Variants in EPC2 observed in about 807,000 individuals in gnomAD.
The protein encoded by EPC2 is enhancer of polycomb homolog 2.
EPC2 carries 14 observed loss-of-function variants against 92.1 expected under a neutral mutation model. The observed-to-expected ratio is 0.15, with a 90% CI of 0.10 to 0.24. The LOEUF (loss-of-function observed/expected upper bound fraction) is 0.24. Among genes scored for constraint, EPC2 ranks in the 10% least tolerant of loss-of-function variants. EPC2 has a pLI of 1.00. For missense variants in EPC2, 755 were observed against 971.5 expected, an observed-to-expected ratio of 0.78 and a Z score of 2.96; for synonymous variants, 340 against 334.7, an observed-to-expected ratio of 1.02 and a Z score of -0.17.
intron 11 of EPC2, among the ~76,000 whole-genome samples, chr2:148,782,302 C>T (rs987570829): frequency 5.3e-5 from 8 of 151,990 alleles, no homozygotes; most frequent in East Asian, 1.9e-4. Flanking sequence ...TTTGGGCGGC[C>T]GAGGCGGGCA....
At chr2:148,774,655 G>A (rs886556769) in intron 10 of EPC2, among the ~76,000 whole-genome samples, 72 of 133,620 alleles carry the variant, frequency 5.4e-4, no homozygotes, top group African/African-American at 1.8e-3. Flanking sequence ...TGTACTATTT[G>A]TTATCTTTTA....
chr2:148,741,382 G>A (rs910300176), intron 2 of EPC2, among the ~76,000 whole-genome samples: 2 of 152,008 alleles, frequency 1.3e-5, no homozygotes, highest in African/African-American at 4.8e-5. Context: ...TTATCTAGTG[G>A]TAAAAATTTC....
intron 2 of EPC2, among the ~76,000 whole-genome samples, chr2:148,736,496 G>GT (rs1345327987): frequency 6.6e-6 from 1 of 152,096 alleles, no homozygotes; most frequent in East Asian, 1.9e-4. Context: ...TTTGGAGACT[G>GT]TAAGTTGGGT....
chr2:148,663,407 A>G (rs961248142), intron 1 of EPC2, among the ~76,000 whole-genome samples: 2 of 150,896 alleles, frequency 1.3e-5, no homozygotes, highest in Non-Finnish European at 1.5e-5. Flanking sequence ...TTTAGTAGAG[A>G]CAGGGTTTCA....
chr2:148,782,186 A>G (rs535948332), intron 11 of EPC2, among the ~76,000 whole-genome samples: 50 of 152,314 alleles, frequency 3.3e-4, no homozygotes, highest in African/African-American at 1.2e-3. Flanking sequence ...ATTCAGTTGA[A>G]TTGTGCAATA....
chr2:148,771,058 G>A lies in EPC2; in HGVS notation c.1391G>A (p.Arg464Gln), dbSNP rs773161874. The A allele has an allele frequency of 1.7e-5, 27 of 1,605,116 alleles. No individual in the cohort carries two copies. The highest frequency in any genetic ancestry group is 1.3e-4 in the African/African-American group (10 of 74,436). ...IGRGGRVIMD[R>Q]ISTEHDPVLK... is the part of the protein sequence containing the mutation. ...TTGCTTTTCAGGGTCATAATGGACC[G>A]AATATCCACAGAACATGACCCAGTC... Residue 464 changes from arginine (R) to glutamine (Q), a missense_variant, in exon 10 of 14, where the codon CGA becomes CAA. This residue lies in a region of EPC2 where 509 missense variants were observed against 607.7 expected (regional missense o/e 0.84). Coordinates refer to ENST00000258484, the MANE Select transcript of EPC2 (RefSeq NM_015630.4).
intron 2 of EPC2, among the ~76,000 whole-genome samples, chr2:148,695,912 A>G (rs1574587769): frequency 6.6e-6 from 1 of 152,246 alleles, no homozygotes; most frequent in East Asian, 1.9e-4. Flanking sequence ...TTACAGGTGA[A>G]GCTGGATCTC....
At chr2:148,754,387 C>T (rs1263542747) in intron 4 of EPC2, among the ~76,000 whole-genome samples, 1 of 152,096 alleles carries the variant, frequency 6.6e-6, no homozygotes, top group African/African-American at 2.4e-5. Flanking sequence ...CTACCTATGC[C>T]TTTTATAAAT....
chr2:148,668,066 T>C (rs754933844), intron 1 of EPC2, among the ~76,000 whole-genome samples: 1 of 152,044 alleles, frequency 6.6e-6, no homozygotes, highest in Non-Finnish European at 1.5e-5. Flanking sequence ...GCCTAGCTAA[T>C]TTTTGTATTT....
intron 2 of EPC2, among the ~76,000 whole-genome samples, chr2:148,721,720 T>C (rs1207260206): frequency 6.7e-6 from 1 of 149,786 alleles, no homozygotes; most frequent in Admixed American, 6.6e-5. Flanking sequence ...TTCTTTTTTT[T>C]TTTTTTTTTG....
chr2:148,717,603 T>A (rs1296570834), intron 2 of EPC2, among the ~76,000 whole-genome samples: 1 of 152,210 alleles, frequency 6.6e-6, no homozygotes, highest in Non-Finnish European at 1.5e-5. Flanking sequence ...TGCTGTGGTC[T>A]GACAGACTTT....
intron 10 of EPC2, among the ~76,000 whole-genome samples, chr2:148,779,260 C>CA (rs1683704702): frequency 6.6e-6 from 1 of 152,060 alleles, no homozygotes; most frequent in South Asian, 2.1e-4. Context: ...TCTACCAACC[C>CA]AAAAAATATT....
chr2:148,679,391 A>C (rs2105365507), intron 1 of EPC2, among the ~76,000 whole-genome samples: 1 of 152,346 alleles, frequency 6.6e-6, no homozygotes, highest in South Asian at 2.1e-4. Flanking sequence ...ATAAATATCT[A>C]CCAATATATC....
At chr2:148,768,519 G>C (rs1204782815) in intron 7 of EPC2, among the ~76,000 whole-genome samples, 2 of 152,058 alleles carry the variant, frequency 1.3e-5, no homozygotes, top group African/African-American at 4.8e-5. Flanking sequence ...CTAGCGTTGC[G>C]GGCTTATCTC....
chr2:148,678,298 C>T (rs1380144442), intron 1 of EPC2, among the ~76,000 whole-genome samples: 1 of 152,262 alleles, frequency 6.6e-6, no homozygotes, highest in East Asian at 1.9e-4. Flanking sequence ...CACAAAGGTT[C>T]TCCACGTCCC....
intron 2 of EPC2, among the ~76,000 whole-genome samples, chr2:148,729,878 T>C (rs1414407396): frequency 2.6e-5 from 4 of 152,210 alleles, no homozygotes; most frequent in Non-Finnish European, 5.9e-5. Context: ...CTCATAGTTG[T>C]CATCATTACC....
At chr2:148,766,087 G>A (rs1488880129) in intron 7 of EPC2, among the ~76,000 whole-genome samples, 2 of 152,034 alleles carry the variant, frequency 1.3e-5, no homozygotes, top group East Asian at 3.9e-4. Context: ...TAAATATTGT[G>A]TATCACCTGC....
intron 11 of EPC2, among the ~76,000 whole-genome samples, chr2:148,782,147 T>C (rs544096142): frequency 2.3e-4 from 35 of 152,324 alleles, no homozygotes; most frequent in South Asian, 4.1e-4. Flanking sequence ...TTTAAGTGCA[T>C]GTGGATGTGC....
intron 3 of EPC2, among the ~76,000 whole-genome samples, chr2:148,750,428 C>T (rs1683064098): frequency 1.3e-5 from 2 of 151,558 alleles, no homozygotes; most frequent in Admixed American, 1.3e-4. Context: ...GGGCACTTAC[C>T]CAAAGACAGG....
Sources: gnomAD v4.1 joint callset for allele counts (sites outside exome capture counted in the v4.1 genomes callset) on GRCh38, gnomAD v4.1.1 for gene constraint, gnomAD v4.1.1 regional missense constraint, MANE v1.5 for transcripts, NCBI Gene and HGNC (gene_info 2026-07-23, HGNC 2026-07-21) for gene names.